Variants in SYNRG observed in about 807,000 individuals in gnomAD.
The protein encoded by SYNRG is synergin gamma.
SYNRG carries 37 observed loss-of-function variants against 130.9 expected under a neutral mutation model. That is an observed-to-expected ratio of 0.28 (90% CI 0.22 to 0.37). The LOEUF (loss-of-function observed/expected upper bound fraction) is 0.37, where lower values mean the gene tolerates loss of function less well. SYNRG is among the 10% of genes least tolerant of loss of function. The probability of loss-of-function intolerance (pLI) is 1.00; values close to 1 mark genes in which losing one functional copy is unlikely to be tolerated. For synonymous variants in SYNRG, 539 were observed against 568.1 expected, an observed-to-expected ratio of 0.95 and a Z score of 0.73; for missense variants, 1,338 against 1,588.9, an observed-to-expected ratio of 0.84 and a Z score of 2.68.
At chr17:37,549,477 T>C (rs1339528594) in intron 14 of SYNRG, among the ~76,000 whole-genome samples, 1 of 152,122 alleles carries the variant, frequency 6.6e-6, no homozygotes, top group Admixed American at 6.5e-5. Context: ...TAAAGTAACA[T>C]GTTTTAAGAA....
chr17:37,602,895 G>A (rs1317082995), intron 1 of SYNRG, among the ~76,000 whole-genome samples: 3 of 152,192 alleles, frequency 2.0e-5, no homozygotes, highest in East Asian at 1.9e-4. Context: ...GTGGTGGCAT[G>A]TGCCTGTAAT....
In SYNRG at chr17:37,572,000, A is replaced by G. The variant is rs369888740; in HGVS notation, c.902-13T>C. 12 of 1,597,638 alleles carry G rather than the reference A, an allele frequency of 7.5e-6. No homozygotes were observed. The highest frequency in any genetic ancestry group is 1.0e-5 in the Non-Finnish European group (12 of 1,171,324). On this transcript the variant is annotated splice_polypyrimidine_tract_variant and intron_variant, in intron 8 of 21. Coordinates refer to ENST00000612223, the MANE Select transcript of SYNRG (RefSeq NM_007247.6). ...TTCTTATAGGCATCTATTAAAGGAAAGACCAGATTACAAATGGAAACACAT... is the reference window on the plus strand; with the variant it reads ...TTCTTATAGGCATCTATTAAAGGAAGGACCAGATTACAAATGGAAACACAT...
chr17:37,586,390 G>T (rs764826505), intron 4 of SYNRG, 29 bp downstream of exon 4: 1 of 1,612,892 alleles, frequency 6.2e-7, no homozygotes, highest in South Asian at 1.1e-5. Flanking sequence ...ATGTATCTTT[G>T]TTATCCTTTA....
intron 6 of SYNRG, among the ~76,000 whole-genome samples, chr17:37,580,478 C>CATGTGTGTGTGTGT (rs1555780109): frequency 8.2e-6 from 1 of 121,960 alleles, no homozygotes; most frequent in African/African-American, 3.4e-5. Context: ...CTTTGTATTT[C>CATGTGTGTGTGTGT]GTGTGTGTGT....
At position 37,526,970 on chromosome 17, in the gene SYNRG, T is replaced by C. The variant is rs375116468; in HGVS notation, c.3667-6322A>G. Among the ~76,000 whole-genome samples, 18 of 152,310 alleles carry C rather than the reference T, an allele frequency of 1.2e-4. No homozygotes were observed. The East Asian group carries it at 3.1e-3, about 26-fold the overall frequency. Reference sequence around the variant, plus strand: ...AACTGAGGACAGCCATGCAGAGACATAGTAAAGATCCTGTCTCTAAAACAT... The same window carrying C: ...AACTGAGGACAGCCATGCAGAGACACAGTAAAGATCCTGTCTCTAAAACAT... On this transcript the variant is annotated intron_variant, in intron 19 of 21. Transcript: ENST00000612223.
chr17:37,570,739 G>A lies in SYNRG; in HGVS notation c.1245C>T (p.Leu415=). 6.2e-7 allele frequency: 1 copy of A among 1,614,230 alleles called. No homozygotes were observed. Among genetic ancestry groups the A allele is most frequent in the South Asian group, 1.1e-5 (1 of 91,092 alleles). The change falls in exon 10 of 22, where the codon CTC becomes CTT. Residue 415 remains leucine, a synonymous_variant. Transcript: ENST00000612223. Reference sequence around the variant, plus strand: ...TGCCCATGACTGGCTGTCCAAGGCTGAGGGGCATGGAGCCCGCAGGACCTG... The same window carrying A: ...TGCCCATGACTGGCTGTCCAAGGCTAAGGGGCATGGAGCCCGCAGGACCTG... The part of the protein sequence containing the change: ...IPSGPAGSMP[L]SLGQPVMGIN...
chr17:37,548,223 G>A (rs768525538), intron 14 of SYNRG, among the ~76,000 whole-genome samples: 12 of 152,066 alleles, frequency 7.9e-5, no homozygotes, highest in Non-Finnish European at 1.6e-4. Flanking sequence ...AATAGCACGG[G>A]AAAATCCAAA....
At position 37,604,243 on chromosome 17, in the gene SYNRG, A is replaced by T. The variant is rs527477241; in HGVS notation, c.78-3840T>A. 1.3e-3 allele frequency among the ~76,000 whole-genome samples: 191 copies of T among 146,838 alleles called. 2 individuals carry two copies. The highest frequency in any genetic ancestry group is 7.1e-3 in the Middle Eastern group (2 of 280). On this transcript the variant is annotated intron_variant, in intron 1 of 21. Transcript: ENST00000612223. ...TGACAGAGTGAGACTCTGTCTATAA[A>T]AAAAAAAAAAAAAGAAAATCTATTG...
At chr17:37,568,645 A>G in intron 11 of SYNRG, 146 bp downstream of exon 11, 1 of 837,134 alleles carries the variant, frequency 1.2e-6, no homozygotes, top group South Asian at 2.6e-5. Flanking sequence ...TTGAAAAGTA[A>G]AAGTATTAAT....
chr17:37,595,664 TAAGTA>T (rs1053468332), intron 3 of SYNRG, among the ~76,000 whole-genome samples: 2 of 151,386 alleles, frequency 1.3e-5, no homozygotes, highest in Non-Finnish European at 2.9e-5. Flanking sequence ...AAAGCAAAAA[TAAGTA>T]AAGTATTAGG....
At chr17:37,545,054 T>A (rs1446229398) in intron 14 of SYNRG, among the ~76,000 whole-genome samples, 1 of 151,696 alleles carries the variant, frequency 6.6e-6, no homozygotes, top group Non-Finnish European at 1.5e-5. Context: ...ACCCTGTCTC[T>A]ACTAAAAATA....
intron 19 of SYNRG, among the ~76,000 whole-genome samples, chr17:37,523,549 A>C (rs2055416627): frequency 6.6e-6 from 1 of 152,228 alleles, no homozygotes; most frequent in Admixed American, 6.5e-5. Context: ...GCCAGTAAGA[A>C]CTGGATTTAA....
chr17:37,541,832 A>C, intron 15 of SYNRG, 140 bp downstream of exon 15: 1 of 798,332 alleles, frequency 1.3e-6, no homozygotes, highest in Non-Finnish European at 2.0e-6. Flanking sequence ...TATTATAGCT[A>C]TCTGTAATTG....
At chr17:37,562,675 T>C (rs1386745064) in intron 11 of SYNRG, among the ~76,000 whole-genome samples, 1 of 152,194 alleles carries the variant, frequency 6.6e-6, no homozygotes, top group Non-Finnish European at 1.5e-5. Flanking sequence ...CATCAAATAT[T>C]ATGATTTCAC....
intron 13 of SYNRG, among the ~76,000 whole-genome samples, chr17:37,560,258 T>G (rs1448612170): frequency 6.6e-6 from 1 of 151,850 alleles, no homozygotes; most frequent in African/African-American, 2.4e-5. Context: ...TGAAGCACAT[T>G]TACCTCCTTG....
chr17:37,539,109 T>C (rs2057487219), intron 17 of SYNRG, 83 bp downstream of exon 17: 1 of 1,589,320 alleles, frequency 6.3e-7, no homozygotes, highest in Admixed American at 1.8e-5. Flanking sequence ...GAAGTTTGCC[T>C]CTGTCAATTC....
At chr17:37,556,801 C>G (rs934993639) in intron 13 of SYNRG, among the ~76,000 whole-genome samples, 4 of 152,164 alleles carry the variant, frequency 2.6e-5, no homozygotes, top group African/African-American at 9.7e-5. Flanking sequence ...ACTGATTATA[C>G]TTGTATTATT....
intron 1 of SYNRG, chr17:37,606,103 A>G: frequency 1.3e-6 from 1 of 759,644 alleles, no homozygotes. Flanking sequence ...TTTAAACTCA[A>G]GGCCCTCTCT....
At chr17:37,594,237 CAATAT>C (rs2062506712) in intron 3 of SYNRG, among the ~76,000 whole-genome samples, 1 of 133,636 alleles carries the variant, frequency 7.5e-6, no homozygotes, top group Non-Finnish European at 1.6e-5. Flanking sequence ...ATATTAATTA[CAATAT>C]TAATTATTTT....
Sources: gnomAD v4.1 joint callset for allele counts (sites outside exome capture counted in the v4.1 genomes callset) on GRCh38, gnomAD v4.1.1 for gene constraint, MANE v1.5 for transcripts, NCBI Gene and HGNC (gene_info 2026-07-23, HGNC 2026-07-21) for gene names.